Variants in SLC2A13 observed in about 807,000 individuals in gnomAD.
SLC2A13 encodes the protein solute carrier family 2 member 13.
Under a neutral mutation model 64.4 loss-of-function variants are expected in SLC2A13, and 32 were observed. The ratio of observed to expected loss-of-function variants is 0.50; its 90% CI spans 0.37 to 0.67. The LOEUF (loss-of-function observed/expected upper bound fraction) is 0.67, where lower values mean the gene tolerates loss of function less well. Ranked by LOEUF, SLC2A13 falls within the 30% of genes least tolerant of loss-of-function variation. The pLI is 0.00. For missense variants in SLC2A13, 743 were observed against 829.2 expected (o/e 0.90, Z 1.28); for synonymous variants, 338 against 327.1 (o/e 1.03, Z -0.36).
intron 7 of SLC2A13, among the ~76,000 whole-genome samples, chr12:39,786,508 C>T (rs1356401548): frequency 2.0e-5 from 3 of 152,082 alleles, no homozygotes; most frequent in African/African-American, 7.2e-5. Context: ...TGGGGCTGGT[C>T]ATGTGTTCTA....
intron 1 of SLC2A13, among the ~76,000 whole-genome samples, chr12:40,060,378 T>C (rs978198950): frequency 1.1e-4 from 16 of 152,286 alleles, no homozygotes; most frequent in African/African-American, 3.8e-4. Context: ...ATCCCCAAAA[T>C]CCTAAGGTTT....
At chr12:39,934,925 C>T (rs1203713719) in intron 4 of SLC2A13, among the ~76,000 whole-genome samples, 2 of 152,084 alleles carry the variant, frequency 1.3e-5, no homozygotes, top group Admixed American at 6.5e-5. Flanking sequence ...CTGCATGGAG[C>T]GGCTTAATAG....
intron 7 of SLC2A13, among the ~76,000 whole-genome samples, chr12:39,812,576 G>A (rs569626063): frequency 2.0e-5 from 3 of 151,700 alleles, no homozygotes; most frequent in East Asian, 2.0e-4. Flanking sequence ...AGATTCAAGC[G>A]ATTCTCCTGC....
chr12:39,883,339 G>C (rs996143827), intron 4 of SLC2A13, among the ~76,000 whole-genome samples: 2 of 152,134 alleles, frequency 1.3e-5, no homozygotes, highest in Non-Finnish European at 2.9e-5. Flanking sequence ...CTCACTGCCA[G>C]TTTGTGTTCC....
chr12:39,993,309 A>T (rs1455075057), intron 3 of SLC2A13, among the ~76,000 whole-genome samples: 1 of 152,222 alleles, frequency 6.6e-6, no homozygotes, highest in East Asian at 1.9e-4. Context: ...TTTTAATGCT[A>T]ATCTTTTATG....
chr12:39,890,446 G>A (rs1944575633), intron 4 of SLC2A13, among the ~76,000 whole-genome samples: 1 of 152,166 alleles, frequency 6.6e-6, no homozygotes, highest in African/African-American at 2.4e-5. Context: ...AGAATTAAAT[G>A]TTGCTCATCA....
chr12:39,943,960 A>G (rs1296407011), intron 4 of SLC2A13, among the ~76,000 whole-genome samples: 1 of 152,084 alleles, frequency 6.6e-6, no homozygotes, highest in Non-Finnish European at 1.5e-5. Context: ...CACCAGCAAG[A>G]CAGACTTTGA....
At chr12:39,844,152 A>G (rs193043312) in intron 6 of SLC2A13, among the ~76,000 whole-genome samples, 2 of 152,090 alleles carry the variant, frequency 1.3e-5, no homozygotes, top group Non-Finnish European at 2.9e-5. Flanking sequence ...TGCAACACAC[A>G]TGCCTCCTTC....
intron 4 of SLC2A13, among the ~76,000 whole-genome samples, chr12:39,908,604 G>A (rs1479820583): frequency 3.3e-5 from 5 of 151,924 alleles, no homozygotes; most frequent in Non-Finnish European, 7.4e-5. Flanking sequence ...GGCTGAGGAG[G>A]ATGAGGAGGG....
At chr12:39,995,515 ATT>A (rs1947211842) in intron 3 of SLC2A13, among the ~76,000 whole-genome samples, 2 of 152,292 alleles carry the variant, frequency 1.3e-5, no homozygotes, top group African/African-American at 2.4e-5. Flanking sequence ...ACTTAAAGAG[ATT>A]TTGAGCTACA....
intron 3 of SLC2A13, among the ~76,000 whole-genome samples, chr12:39,992,833 TG>T (rs1947159988): frequency 6.6e-6 from 1 of 152,148 alleles, no homozygotes; most frequent in Non-Finnish European, 1.5e-5. Context: ...ATTTTCCAAA[TG>T]TGTTAAAATT....
At chr12:39,799,627 A>G (rs919058385) in intron 7 of SLC2A13, among the ~76,000 whole-genome samples, 1 of 152,232 alleles carries the variant, frequency 6.6e-6, no homozygotes. Flanking sequence ...ACCTGGTCAA[A>G]AAGATTGGAA....
intron 4 of SLC2A13, among the ~76,000 whole-genome samples, chr12:39,929,379 T>C (rs757156925): frequency 6.6e-6 from 1 of 151,868 alleles, no homozygotes; most frequent in African/African-American, 2.4e-5. Context: ...GGTGAAACCC[T>C]GTCTCTACTA....
intron 1 of SLC2A13, among the ~76,000 whole-genome samples, chr12:40,103,322 A>G (rs1939204642): frequency 6.6e-6 from 1 of 152,076 alleles, no homozygotes; most frequent in Non-Finnish European, 1.5e-5. Flanking sequence ...TCAACATACC[A>G]TTTCCATTGG....
chr12:39,780,118 G>T (rs967981626), intron 7 of SLC2A13, among the ~76,000 whole-genome samples: 1 of 152,146 alleles, frequency 6.6e-6, no homozygotes, highest in Non-Finnish European at 1.5e-5. Context: ...GAGACTTACC[G>T]TATACAAAAC....
chr12:40,010,721 T>G (rs1592003945), intron 3 of SLC2A13, among the ~76,000 whole-genome samples: 1 of 152,248 alleles, frequency 6.6e-6, no homozygotes, highest in Non-Finnish European at 1.5e-5. Context: ...TCTCCTTTTT[T>G]TATATTTTTC....
At chr12:39,863,741 G>A (rs1030824846) in intron 6 of SLC2A13, among the ~76,000 whole-genome samples, 9 of 152,170 alleles carry the variant, frequency 5.9e-5, no homozygotes, top group East Asian at 1.9e-4. Context: ...AATAAAAGTC[G>A]TGCTATGATG....
intron 6 of SLC2A13, among the ~76,000 whole-genome samples, chr12:39,851,416 C>T (rs965195844): frequency 6.6e-6 from 1 of 152,134 alleles, no homozygotes; most frequent in African/African-American, 2.4e-5. Flanking sequence ...TGACTCTTAA[C>T]TGACAATAAC....
chr12:40,024,831 T>C (rs1169492586), intron 3 of SLC2A13, among the ~76,000 whole-genome samples: 1 of 152,190 alleles, frequency 6.6e-6, no homozygotes, highest in African/African-American at 2.4e-5. Flanking sequence ...CTTGGAGTTA[T>C]TATAATCTGG....
Sources: gnomAD v4.1 joint callset for allele counts (sites outside exome capture counted in the v4.1 genomes callset) on GRCh38, gnomAD v4.1.1 for gene constraint, MANE v1.5 for transcripts, NCBI Gene and HGNC (gene_info 2026-07-23, HGNC 2026-07-21) for gene names.